DICER1: variants seen among roughly 807,000 people sequenced by gnomAD.
DICER1 encodes endoribonuclease Dicer.
DICER1 carries 43 observed loss-of-function variants against 194.1 expected under a neutral mutation model. The observed-to-expected ratio is 0.22, with a 90% CI of 0.17 to 0.29. DICER1 has a LOEUF of 0.29. DICER1 is among the 10% of genes least tolerant of loss of function. The pLI is 1.00. For synonymous variants in DICER1, 832 were observed against 820.5 expected, an observed-to-expected ratio of 1.01 and a Z score of -0.24; for missense variants, 1,608 against 2,317.0, an observed-to-expected ratio of 0.69 and a Z score of 6.28.
chr14:95,116,441 T>A lies in DICER1; in HGVS notation c.1752+12A>T, dbSNP rs1024742426. On this transcript the variant is annotated intron_variant, in intron 10 of 26. Coordinates refer to ENST00000343455, the MANE Select transcript of DICER1 (RefSeq NM_177438.3). ...CCCAATCTGCCGGCACATGTTAATA[T>A]GTTGATCTTACCTTTTCAATAGCTT... 7 of 1,609,440 alleles carry A rather than the reference T, an allele frequency of 4.3e-6. No individual in the cohort carries two copies. The highest frequency in any genetic ancestry group is 2.2e-5 in the East Asian group (1 of 44,872).
rs768362669 is a variant in DICER1, at chr14:95,111,501, GATTA to G, written c.2117-49_2117-46del. ...AATTAACACAATCCAGATTTTGCCT[GATTA>G]ATTAGTAAAGAATTTAGAACAGAAC... is the stretch of plus-strand genomic sequence containing the variant. On this transcript the variant is annotated intron_variant, in intron 13 of 26. Coordinates refer to ENST00000343455, the MANE Select transcript of DICER1 (RefSeq NM_177438.3). The G allele has an allele frequency of 5.0e-6, 8 of 1,600,450 alleles. No individual in the cohort carries two copies. In the East Asian group the frequency reaches 1.1e-4, roughly 22 times the overall value.
intron 10 of DICER1, 90 bp from the exon 11 acceptor site, chr14:95,115,911 G>GAAAATATCTCTCTCTCTCCTA (rs1286018926): frequency 7.7e-7 from 1 of 1,299,432 alleles, no homozygotes; most frequent in African/African-American, 1.5e-5. Flanking sequence ...AAACTCTCCT[G>GAAAATATCTCTCTCTCTCCTA]AAAATATCTC....
intron 1 of DICER1, among the ~76,000 whole-genome samples, chr14:95,152,436 C>T (rs1895576444): frequency 6.6e-6 from 1 of 152,360 alleles, no homozygotes; most frequent in South Asian, 2.1e-4. Context: ...AATTAACTTA[C>T]TCACTCAACA....
chr14:95,095,519 G>A (rs946986521), intron 23 of DICER1: 21 of 384,456 alleles, frequency 5.5e-5, no homozygotes, highest in Middle Eastern at 1.6e-3. Flanking sequence ...AGATATTTGC[G>A]GAGGATAAAA....
Position 95,105,270 on chromosome 14 carries a change from C to A in DICER1, c.3094-24G>T. The A allele has an allele frequency of 6.3e-7, 1 of 1,591,102 alleles. No individual in the cohort carries two copies. Among genetic ancestry groups the A allele is most frequent in the Non-Finnish European group, 8.6e-7 (1 of 1,161,736 alleles). On this transcript the variant is annotated intron_variant, in intron 19 of 26. Coordinates refer to ENST00000343455, the MANE Select transcript of DICER1 (RefSeq NM_177438.3). This position sits in a 1 kb window ranked among gnomAD's most constrained non-coding sequence, Gnocchi z 4.9. Reference sequence around the variant, plus strand: ...ATCTTCAAGTAAGGGGAAAAATGGACAGATAAATACAAAGCGCACACACAA... The same window carrying A: ...ATCTTCAAGTAAGGGGAAAAATGGAAAGATAAATACAAAGCGCACACACAA...
intron 11 of DICER1, among the ~76,000 whole-genome samples, chr14:95,114,594 A>G (rs1243707409): frequency 6.6e-6 from 1 of 152,226 alleles, no homozygotes; most frequent in Non-Finnish European, 1.5e-5. Context: ...CTAATGAGTC[A>G]AACTGGGAAA....
intron 7 of DICER1, among the ~76,000 whole-genome samples, chr14:95,125,941 G>A (rs535989213): frequency 6.6e-6 from 1 of 152,204 alleles, no homozygotes; most frequent in Non-Finnish European, 1.5e-5. Context: ...TGCTCGAGAA[G>A]AAAAAAATCA....
chr14:95,096,551 A>G lies in DICER1; in HGVS notation c.4369T>C (p.Leu1457=). The part of the protein sequence containing the change: ...QEHIRFIDNM[L]MGSGAFVKKI... ...TTTACAAAAGCTCCTGACCCCATTA[A>G]CATATTATCTATAAATCTGATATGT... The change falls in exon 23 of 27, where the codon TTA becomes CTA. Residue 1457 remains leucine, a synonymous_variant. Transcript: ENST00000343455. 1 of 1,613,776 alleles carries G rather than the reference A, an allele frequency of 6.2e-7. No individual in the cohort carries two copies. Among genetic ancestry groups the G allele is most frequent in the Non-Finnish European group, 8.5e-7 (1 of 1,179,830 alleles).
rs775070199 is a variant in DICER1 at position 95,124,439 on chromosome 14, A to T, written c.1133T>A (p.Ile378Asn). The change falls in exon 8 of 27, where the codon ATC (isoleucine) becomes AAC (asparagine). Residue 378 changes from isoleucine to asparagine, a missense_variant. This residue lies in a region of DICER1 where 657 missense variants were observed against 910.1 expected (regional missense o/e 0.72). Transcript: ENST00000343455. The surrounding 1 kb of genome is among the most constrained non-coding windows in gnomAD (Gnocchi z 4.5). ...TTTGCGTAAGATTTCGAGCAGTTTG[A>T]TTACTTTAGGAGTTACAAATTTCAG... ...LDLKFVTPKV[I>N]KLLEILRKYK... 1.2e-6 allele frequency: 2 copies of T among 1,614,156 alleles called. No individual in the cohort carries two copies. Among genetic ancestry groups the T allele is most frequent in the East Asian group, 2.2e-5 (1 of 44,884 alleles).
chr14:95,129,911 C>T (rs1893806496), intron 5 of DICER1, 147 bp downstream of exon 5: 1 of 719,240 alleles, frequency 1.4e-6, no homozygotes, highest in Non-Finnish European at 2.3e-6. Flanking sequence ...TTTAAATGAA[C>T]ATTAATTTAA....
rs1060504971 is a variant in DICER1 at position 95,096,462 on chromosome 14, T to C, written c.4458A>G (p.Lys1486=). Residue 1486 remains lysine (K), a synonymous_variant, in exon 23 of 27, where the codon AAA becomes AAG. Transcript: ENST00000343455. The part of the protein sequence containing the change: ...DSAYEWKMPK[K]SSLGSMPFSS... ...AAAATGGCATACTACCTAAGGAGGA[T>C]TTTTTGGGCATTTTCCATTCATATG... 6.2e-7 allele frequency: 1 copy of C among 1,614,148 alleles called. No homozygotes were observed. Among genetic ancestry groups the C allele is most frequent in the Non-Finnish European group, 8.5e-7 (1 of 1,180,026 alleles).
Position 95,103,618 on chromosome 14 carries a change from C to G in DICER1, c.3778G>C (p.Val1260Leu), listed in dbSNP as rs763425076. ...STSDGSPVMA[V>L]MPGTTDTIQV... ...ATAGTGTCTGTCGTACCAGGCATTA[C>G]GGCCATCACAGGACTTCCATCTGAG... Residue 1260 changes from valine to leucine, a missense_variant, in exon 21 of 27, where the codon GTA becomes CTA. By Grantham distance (32) the Val-to-Leu change is conservative (BLOSUM62 1). Transcript: ENST00000343455. 6.2e-7 allele frequency: 1 copy of G among 1,614,192 alleles called. No individual in the cohort carries two copies. The highest frequency in any genetic ancestry group is 8.5e-7 in the Non-Finnish European group (1 of 1,180,044).
chr14:95,109,845 G>C (rs1033814984), intron 14 of DICER1, among the ~76,000 whole-genome samples: 1 of 152,192 alleles, frequency 6.6e-6, no homozygotes, highest in Non-Finnish European at 1.5e-5. Context: ...CCAATAACAG[G>C]TGTGTACAGT....
chr14:95,145,709 C>G (rs761576598), intron 1 of DICER1, among the ~76,000 whole-genome samples: 4 of 151,800 alleles, frequency 2.6e-5, no homozygotes, highest in Non-Finnish European at 4.4e-5. Flanking sequence ...AATTTAAACA[C>G]TGGTATCTTT....
chr14:95,141,338 C>A (rs1399248383), intron 1 of DICER1, among the ~76,000 whole-genome samples: 1 of 152,086 alleles, frequency 6.6e-6, no homozygotes, highest in Non-Finnish European at 1.5e-5. Flanking sequence ...TAATGTCGGG[C>A]ATAAATTTAA....
chr14:95,133,333 A>G lies in DICER1; in HGVS notation c.126T>C (p.Tyr42=), dbSNP rs774809100. 3.7e-6 allele frequency: 6 copies of G among 1,614,042 alleles called. No individual in the cohort carries two copies. The highest frequency in any genetic ancestry group is 4.2e-6 in the Non-Finnish European group (5 of 1,180,030). ...TTAGTACCTGATATTTTCTTGGCGTATAAATGTTATCATGAATTGCTTCTT... is the reference window on the plus strand; with the variant it reads ...TTAGTACCTGATATTTTCTTGGCGTGTAAATGTTATCATGAATTGCTTCTT... The part of the protein sequence containing the change: ...WQQEAIHDNI[Y]TPRKYQVELL... Residue 42 remains tyrosine, a synonymous_variant, in exon 2 of 27, where the codon TAT becomes TAC. Coordinates refer to ENST00000343455, the MANE Select transcript of DICER1 (RefSeq NM_177438.3).
chr14:95,108,587 T>A lies in DICER1; in HGVS notation c.2257-84A>T, dbSNP rs150568593. ...TGTCAGCAAGAAAACAAATTAATTC[T>A]GGCTTTACTAAAAGCTGATGAGAAT... On this transcript the variant is annotated intron_variant, in intron 14 of 26. Transcript: ENST00000343455. 917 of 1,262,348 alleles carry A rather than the reference T, an allele frequency of 7.3e-4. 8 individuals carry two copies. In the East Asian group the frequency reaches 0.019, roughly 26 times the overall value. 78.2% of individuals were successfully genotyped at this position (1,262,348 alleles called of 1,614,324 possible).
At chr14:95,141,328 T>A (rs1894814478) in intron 1 of DICER1, 1 of 152,220 alleles carries the variant, frequency 6.6e-6, no homozygotes, top group African/African-American at 2.4e-5. Flanking sequence ...CTGTTAATGT[T>A]AATGTCGGGC....
intron 24 of DICER1, among the ~76,000 whole-genome samples, chr14:95,093,096 A>T (rs1486069928): frequency 6.6e-6 from 1 of 152,220 alleles, no homozygotes; most frequent in African/African-American, 2.4e-5. Flanking sequence ...TGGTGCAATT[A>T]AAAAGGGGAA....
Sources: gnomAD v4.1 joint callset for allele counts (sites outside exome capture counted in the v4.1 genomes callset) on GRCh38, gnomAD v4.1.1 for gene constraint, gnomAD v4.1.1 regional missense constraint, Gnocchi (gnomAD v3.1) non-coding constraint, MANE v1.5 for transcripts, NCBI Gene and HGNC (gene_info 2026-07-23, HGNC 2026-07-21) for gene names.